MGAT4C: variants seen among roughly 807,000 people sequenced by gnomAD.
MGAT4C encodes MGAT4 family member C.
MGAT4C carries 19 observed loss-of-function variants against 40.1 expected under a neutral mutation model. The observed-to-expected ratio is 0.47, with a 90% confidence interval of 0.33 to 0.70. The LOEUF (loss-of-function observed/expected upper bound fraction) is 0.70. MGAT4C is among the 30% of genes least tolerant of loss of function. The pLI is 0.02. For missense variants in MGAT4C, 491 were observed against 563.2 expected, an observed-to-expected ratio of 0.87 and a Z score of 1.30; for synonymous variants, 181 against 187.1, an observed-to-expected ratio of 0.97 and a Z score of 0.27.
At chr12:86,173,014 T>C (rs1887014267) in intron 1 of MGAT4C, among the ~76,000 whole-genome samples, 1 of 152,124 alleles carries the variant, frequency 6.6e-6, no homozygotes, top group Admixed American at 6.6e-5. Context: ...ATTTTGAATA[T>C]GAAACTGTCA....
chr12:86,767,281 C>T (rs1474848386), intron 1 of MGAT4C, among the ~76,000 whole-genome samples: 2 of 152,146 alleles, frequency 1.3e-5, no homozygotes, highest in African/African-American at 4.8e-5. Flanking sequence ...TGGATAAATT[C>T]CTCGACACAT....
chr12:86,376,871 G>A (rs1955837665), intron 3 of MGAT4C, among the ~76,000 whole-genome samples: 1 of 81,820 alleles, frequency 1.2e-5, no homozygotes, highest in African/African-American at 3.2e-5. Context: ...AGAGAGAGGA[G>A]AAAAAGAGAA....
chr12:86,696,540 A>T (rs993111995), intron 2 of MGAT4C, among the ~76,000 whole-genome samples: 2 of 152,224 alleles, frequency 1.3e-5, no homozygotes, highest in African/African-American at 4.8e-5. Context: ...CCGTTTTTGG[A>T]GGTGGATGCA....
chr12:86,654,342 GTT>G (rs60629688), intron 2 of MGAT4C, among the ~76,000 whole-genome samples: 29 of 136,434 alleles, frequency 2.1e-4, no homozygotes, highest in Admixed American at 7.2e-4. Context: ...AGTTTGTGGG[GTT>G]TTTTTTTTTC....
intron 1 of MGAT4C, among the ~76,000 whole-genome samples, chr12:86,150,949 G>A (rs1280801457): frequency 6.6e-6 from 1 of 152,098 alleles, no homozygotes; most frequent in Admixed American, 6.5e-5. Context: ...GGCATCCAGG[G>A]TTTTTATTGG....
chr12:86,316,387 A>T (rs1954232049), intron 4 of MGAT4C, among the ~76,000 whole-genome samples: 2 of 152,334 alleles, frequency 1.3e-5, no homozygotes, highest in African/African-American at 4.8e-5. Flanking sequence ...AAAGAAAATA[A>T]ATTGTTTTAC....
chr12:86,390,338 A>G (rs1199029672), intron 3 of MGAT4C, among the ~76,000 whole-genome samples: 1 of 152,224 alleles, frequency 6.6e-6, no homozygotes, highest in Non-Finnish European at 1.5e-5. Context: ...GTTAAGAAAC[A>G]AATTTTATTT....
At chr12:86,764,182 G>C (rs1386577255) in intron 1 of MGAT4C, among the ~76,000 whole-genome samples, 1 of 152,166 alleles carries the variant, frequency 6.6e-6, no homozygotes, top group Non-Finnish European at 1.5e-5. Context: ...TTTCTGAGAG[G>C]CTTAAAAAAC....
intron 1 of MGAT4C, among the ~76,000 whole-genome samples, chr12:86,798,540 G>A (rs577998058): frequency 6.6e-6 from 1 of 151,828 alleles, no homozygotes; most frequent in Non-Finnish European, 1.5e-5. Context: ...GATTATAAGA[G>A]AGTCTTCTGT....
In MGAT4C at chr12:86,446,678, T is replaced by TATATATATATATATATATATAC. The variant is rs1957343457; in HGVS notation, c.-228-11414_-228-11413insGTATATATATATATATATATAT. ...TAACTCATATATATATATATATATA[T>TATATATATATATATATATATAC]ATATATATATATATATATATATATA... On this transcript the variant is annotated intron_variant, in intron 2 of 7. Coordinates refer to the MGAT4C transcript ENST00000548651. 1.7e-5 allele frequency among the ~76,000 whole-genome samples: 2 copies of TATATATATATATATATATATAC among 118,712 alleles called. 1 individual carries two copies. The highest frequency in any genetic ancestry group is 3.5e-5 in the Non-Finnish European group (2 of 56,596). 77.9% of individuals were successfully genotyped at this position (118,712 alleles called of 152,430 possible). A position where few individuals can be genotyped will look rare whatever the true frequency, so the allele number is the denominator to read the frequency against.
chr12:85,979,553 T>A lies in MGAT4C; in HGVS notation c.1173A>T (p.Lys391Asn). The A allele has an allele frequency of 6.2e-7, 1 of 1,609,702 alleles. No homozygotes were observed. The highest frequency in any genetic ancestry group is 1.1e-5 in the South Asian group (1 of 90,542). ...IVFENPIIIK[K>N]IKVNTGTEDR... Reference sequence around the variant, plus strand: ...CTTCTGTTCCAGTATTTACTTTAATTTTTTTTATTATAATTGGATTTTCAA... The same window carrying A: ...CTTCTGTTCCAGTATTTACTTTAATATTTTTTATTATAATTGGATTTTCAA... Residue 391 changes from lysine (K) to asparagine (N), a missense_variant, in exon 5 of 5, where the codon AAA becomes AAT. Lys to Asn is a moderately conservative substitution (Grantham distance 94). Transcript: ENST00000611864.
At position 85,979,841 on chromosome 12, in the gene MGAT4C, C is replaced by T. The variant is rs374349115; in HGVS notation, c.885G>A (p.Leu295=). 62 of 1,613,720 alleles carry T rather than the reference C, an allele frequency of 3.8e-5. No homozygotes were observed. In the East Asian group the frequency reaches 1.4e-3, roughly 35 times the overall value. The change falls in exon 5 of 5, where the codon CTG becomes CTA. Residue 295 remains leucine, a synonymous_variant. Transcript: ENST00000611864. The stretch of plus-strand genomic sequence containing the variant: ...AACGGATCACATTTTTCTGAGCCAA[C>T]AGACCACGGAAATGAGTCAATAGCC... ...CDWLLTHFRG[L]LAQKNVIRFK...
intron 1 of MGAT4C, among the ~76,000 whole-genome samples, chr12:86,198,522 T>C (rs1949910686): frequency 6.6e-6 from 1 of 152,208 alleles, no homozygotes. Flanking sequence ...TTTTCATTGT[T>C]CGCATGCATA....
intron 2 of MGAT4C, among the ~76,000 whole-genome samples, chr12:86,510,913 T>G (rs1958569206): frequency 6.6e-6 from 1 of 151,384 alleles, no homozygotes; most frequent in Non-Finnish European, 1.5e-5. Flanking sequence ...CACCCCACTG[T>G]CAACATTAGA....
At chr12:86,687,026 T>C (rs1474778084) in intron 2 of MGAT4C, among the ~76,000 whole-genome samples, 2 of 152,198 alleles carry the variant, frequency 1.3e-5, no homozygotes, top group Non-Finnish European at 2.9e-5. Context: ...TCAGAACTTG[T>C]TATTGCCCTA....
intron 2 of MGAT4C, among the ~76,000 whole-genome samples, chr12:86,522,650 T>G (rs1958815356): frequency 6.6e-6 from 1 of 152,162 alleles, no homozygotes; most frequent in South Asian, 2.1e-4. Context: ...CTCAATTTTT[T>G]GGAATAGTTT....
At chr12:86,113,683 A>G (rs577158467) in intron 1 of MGAT4C, among the ~76,000 whole-genome samples, 5 of 151,870 alleles carry the variant, frequency 3.3e-5, no homozygotes, top group Middle Eastern at 3.2e-3. Flanking sequence ...CCTTGTCTGT[A>G]TTCAAGAAAC....
Position 86,813,996 on chromosome 12 carries a change from C to T in MGAT4C, c.-262+24670G>A, listed in dbSNP as rs183763762. 3.6e-3 allele frequency among the ~76,000 whole-genome samples: 549 copies of T among 151,776 alleles called. 4 individuals carry two copies. Among genetic ancestry groups the T allele is most frequent in the African/African-American group, 0.012 (516 of 41,390 alleles). ...CACGATATTGGCTCACTGCAACCTC[C>T]GCCACCCAGGTTCAAGCAATTCTCC... On this transcript the variant is annotated intron_variant, in intron 1 of 7. Coordinates refer to the MGAT4C transcript ENST00000548651.
chr12:86,676,568 A>G (rs1448656912), intron 2 of MGAT4C, among the ~76,000 whole-genome samples: 1 of 152,280 alleles, frequency 6.6e-6, no homozygotes, highest in East Asian at 1.9e-4. Flanking sequence ...TCTTGTTTGG[A>G]GATGAACAGT....
Sources: allele counts gnomAD v4.1 joint callset (sites outside exome capture counted in the v4.1 genomes callset), GRCh38; gene constraint gnomAD v4.1.1; transcripts MANE v1.5; gene names NCBI Gene and HGNC (gene_info 2026-07-23, HGNC 2026-07-21).